Variants in KDM2A observed in about 807,000 individuals in gnomAD.
KDM2A encodes the protein lysine-specific demethylase 2A.
KDM2A carries 3 observed loss-of-function variants against 137.3 expected under a neutral mutation model. The ratio of observed to expected loss-of-function variants is 0.02; its 90% confidence interval spans 0.01 to 0.06. The LOEUF (loss-of-function observed/expected upper bound fraction) is 0.06, where lower values mean the gene tolerates loss of function less well. Among genes scored for constraint, KDM2A ranks in the 10% least tolerant of loss-of-function variants. KDM2A has a pLI of 1.00. For missense variants in KDM2A, 738 were observed against 1,510.6 expected (o/e 0.49, Z 8.48); for synonymous variants, 512 against 541.5 (o/e 0.95, Z 0.76).
At chr11:67,235,327 T>A (rs1165657987) in intron 12 of KDM2A, among the ~76,000 whole-genome samples, 2 of 147,078 alleles carry the variant, frequency 1.4e-5, no homozygotes, top group South Asian at 2.2e-4. Context: ...TTTTTGAGAC[T>A]GAGTTTCACT....
At chr11:67,121,874 G>T (rs568627952) in intron 2 of KDM2A, among the ~76,000 whole-genome samples, 1 of 152,278 alleles carries the variant, frequency 6.6e-6, no homozygotes, top group Admixed American at 6.5e-5. Context: ...AGACAAGTAG[G>T]TAGAATACTG....
At chr11:67,120,912 G>A (rs1366114844) in intron 1 of KDM2A, among the ~76,000 whole-genome samples, 1 of 151,812 alleles carries the variant, frequency 6.6e-6, no homozygotes, top group Non-Finnish European at 1.5e-5. Flanking sequence ...AAAGTCCTGG[G>A]CTTTTTTTTT....
intron 2 of KDM2A, among the ~76,000 whole-genome samples, chr11:67,139,899 C>T (rs749801649): frequency 5.3e-5 from 8 of 151,650 alleles, no homozygotes; most frequent in Non-Finnish European, 7.4e-5. Context: ...TAGTAGAGTC[C>T]GGGTTTCACT....
At chr11:67,198,146 C>G (rs1394987294) in intron 5 of KDM2A, among the ~76,000 whole-genome samples, 1 of 152,022 alleles carries the variant, frequency 6.6e-6, no homozygotes, top group African/African-American at 2.4e-5. Flanking sequence ...GAAGAAAATT[C>G]ATGTATAAGT....
At chr11:67,227,252 A>G (rs1858575635) in intron 10 of KDM2A, among the ~76,000 whole-genome samples, 1 of 152,180 alleles carries the variant, frequency 6.6e-6, no homozygotes, top group African/African-American at 2.4e-5. Context: ...TGGAGAAAAT[A>G]CCCAACCTGG....
At position 67,248,354 on chromosome 11, in the gene KDM2A, G is replaced by T; in HGVS notation, c.2039G>T (p.Ser680Ile). 1 of 1,603,112 alleles carries T rather than the reference G, an allele frequency of 6.2e-7. No homozygotes were observed. The highest frequency in any genetic ancestry group is 8.5e-7 in the Non-Finnish European group (1 of 1,174,598). The change falls in exon 16 of 21, where the codon AGC becomes ATC. Residue 680 changes from serine (S) to isoleucine (I), a missense_variant. By Grantham distance (142) the Ser-to-Ile change is moderately radical. Coordinates refer to ENST00000529006, the MANE Select transcript of KDM2A (RefSeq NM_012308.3). ...WECPKCYQED[S>I]SEKAQKRKME... The stretch of plus-strand genomic sequence containing the variant: ...TGTCCAAAGTGCTACCAGGAGGACA[G>T]CTCGGAGAAAGCCCAGGTAAAGGAA...
intron 1 of KDM2A, 140 bp from the exon 2 acceptor site, chr11:67,121,094 G>A (rs1590695463): frequency 1.8e-6 from 1 of 546,134 alleles, no homozygotes; most frequent in East Asian, 3.0e-5. Context: ...TTGCCCAAGA[G>A]CAGAAAGGTC....
intron 2 of KDM2A, among the ~76,000 whole-genome samples, chr11:67,148,354 G>A (rs2136303578): frequency 6.6e-6 from 1 of 152,202 alleles, no homozygotes; most frequent in Middle Eastern, 3.4e-3. Context: ...CCCGGAGGTT[G>A]AGGCTGCAGT....
rs1034904550 is a variant in KDM2A at position 67,180,227 on chromosome 11, G to A, written c.181+10G>A. On this transcript the variant is annotated intron_variant, in intron 3 of 20. Transcript: ENST00000529006. Reference sequence around the variant, plus strand: ...TTTATGGAAGGAAAAGGTCAGTATTGTTTTGGTTCCAGCTTACAGTCCTTT... The same window carrying A: ...TTTATGGAAGGAAAAGGTCAGTATTATTTTGGTTCCAGCTTACAGTCCTTT... 1 of 1,612,286 alleles carries A rather than the reference G, an allele frequency of 6.2e-7. No individual in the cohort carries two copies. Among genetic ancestry groups the A allele is most frequent in the Admixed American group, 1.7e-5 (1 of 59,716 alleles).
rs183766153 is a variant in KDM2A at position 67,223,597 on chromosome 11, A to G, written c.957+4194A>G. ...TTTTTATTTTTATTTTTTTGTAGAAACGAGGTTTTACTATGCTGCCCAGGC... is the reference window on the plus strand; with the variant it reads ...TTTTTATTTTTATTTTTTTGTAGAAGCGAGGTTTTACTATGCTGCCCAGGC... On this transcript the variant is annotated intron_variant, in intron 10 of 20. Transcript: ENST00000529006. 2.5e-3 allele frequency among the ~76,000 whole-genome samples: 384 copies of G among 151,920 alleles called. 2 individuals carry two copies. The highest frequency in any genetic ancestry group is 8.9e-3 in the African/African-American group (370 of 41,426).
chr11:67,206,311 T>C (rs1196648813), intron 5 of KDM2A, among the ~76,000 whole-genome samples: 1 of 152,166 alleles, frequency 6.6e-6, no homozygotes, highest in Non-Finnish European at 1.5e-5. Flanking sequence ...CACGGCCATA[T>C]TCCCAGCTAC....
At chr11:67,242,762 G>T (rs1859086346) in intron 12 of KDM2A, among the ~76,000 whole-genome samples, 1 of 152,150 alleles carries the variant, frequency 6.6e-6, no homozygotes, top group Non-Finnish European at 1.5e-5. Flanking sequence ...CCTCTCACAG[G>T]CATGAGCCAC....
chr11:67,256,433 C>T lies in KDM2A; in HGVS notation c.*1378C>T, dbSNP rs1468694338. 2 of 152,584 alleles carry T rather than the reference C, an allele frequency of 1.3e-5. No homozygotes were observed. Among genetic ancestry groups the T allele is most frequent in the East Asian group, 3.8e-4 (2 of 5,200 alleles). The allele number at this position is 152,584 out of a possible 1,614,324, so 9.5% of individuals were successfully genotyped here. A position where few individuals can be genotyped will look rare whatever the true frequency, so the allele number is the denominator to read the frequency against. On this transcript the variant is annotated 3_prime_UTR_variant, in exon 21 of 21. Transcript: ENST00000529006. ...TGTGTGAGGAGATGCTCAGTAGCAG[C>T]AGCCTATGGCAAGAGCTTATAAATG...
In KDM2A at chr11:67,163,984, CAGTG is replaced by C. The variant is rs1317588867; in HGVS notation, c.43-16092_43-16089del. ...TATTACTAGTTAAGTAGGTCAGACACAGTGAGAGGCTGAACCAGGATTTGAACTC... is the reference window on the plus strand; with the variant it reads ...TATTACTAGTTAAGTAGGTCAGACACAGAGGCTGAACCAGGATTTGAACTC... On this transcript the variant is annotated intron_variant, in intron 2 of 20. Coordinates refer to ENST00000529006, the MANE Select transcript of KDM2A (RefSeq NM_012308.3). 2.0e-5 allele frequency among the ~76,000 whole-genome samples: 3 copies of C among 152,140 alleles called. No individual in the cohort carries two copies. The East Asian group carries it at 5.8e-4, about 29-fold the overall frequency.
Position 67,223,874 on chromosome 11 carries a change from G to T in KDM2A, c.958-4163G>T, listed in dbSNP as rs568807235. Among the ~76,000 whole-genome samples, 7 of 152,228 alleles carry T rather than the reference G, an allele frequency of 4.6e-5. No homozygotes were observed. In the East Asian group the frequency reaches 1.3e-3, roughly 29 times the overall value. The stretch of plus-strand genomic sequence containing the variant: ...TAGTGTATTATATTTAATTTTGAGG[G>T]ACCAAATACCTATTGGTTGTTGTCT... On this transcript the variant is annotated intron_variant, in intron 10 of 20. Coordinates refer to ENST00000529006, the MANE Select transcript of KDM2A (RefSeq NM_012308.3).
Position 67,246,000 on chromosome 11 carries a change from T to A in KDM2A, c.1849T>A (p.Ser617Thr). ...CCTCTTGTAGCCCAGACTGCCTCAC[T>A]CAGTCACATGTTCCCTCTGTGGAGA... is the stretch of plus-strand genomic sequence containing the variant. ...RQCLAPRLPH[S>T]VTCSLCGEVD... The change falls in exon 15 of 21, where the codon TCA becomes ACA. Residue 617 changes from serine to threonine, a missense_variant. Ser to Thr is a moderately conservative substitution (Grantham distance 58, BLOSUM62 1). Around this residue, in one of 9 missense-constraint regions of KDM2A, gnomAD observed 7 missense variants for 62.4 expected, o/e 0.11. Transcript: ENST00000529006. This position sits in a 1 kb window ranked among gnomAD's most constrained non-coding sequence, Gnocchi z 4.1. The A allele has an allele frequency of 6.2e-7, 1 of 1,613,948 alleles. No individual in the cohort carries two copies. Among genetic ancestry groups the A allele is most frequent in the Non-Finnish European group, 8.5e-7 (1 of 1,179,842 alleles).
intron 8 of KDM2A, among the ~76,000 whole-genome samples, chr11:67,217,259 A>T (rs1365735302): frequency 4.6e-5 from 7 of 151,940 alleles, no homozygotes; most frequent in Admixed American, 4.6e-4. Context: ...AAAAAAAAAA[A>T]AAAAGTCTTA....
In KDM2A at chr11:67,179,473, G is replaced by A. The variant is rs543553079; in HGVS notation, c.43-606G>A. On this transcript the variant is annotated intron_variant, in intron 2 of 20. Coordinates refer to ENST00000529006, the MANE Select transcript of KDM2A (RefSeq NM_012308.3). ...TTTTTAGTAGAGACATGGTTTCTCC[G>A]TGTTGGTCAGGCTGGTCTCTAATCT... is the stretch of plus-strand genomic sequence containing the variant. 5.3e-5 allele frequency among the ~76,000 whole-genome samples: 8 copies of A among 152,194 alleles called. No individual in the cohort carries two copies. In the East Asian group the frequency reaches 7.7e-4, roughly 15 times the overall value.
At chr11:67,147,300 T>C (rs531662835) in intron 2 of KDM2A, among the ~76,000 whole-genome samples, 2 of 151,960 alleles carry the variant, frequency 1.3e-5, no homozygotes, top group African/African-American at 2.4e-5. Flanking sequence ...CCCAGCACTT[T>C]GGGAGGCCGA....
Sources: gnomAD v4.1 joint callset for allele counts (sites outside exome capture counted in the v4.1 genomes callset) on GRCh38, gnomAD v4.1.1 for gene constraint, gnomAD v4.1.1 regional missense constraint, Gnocchi (gnomAD v3.1) non-coding constraint, MANE v1.5 for transcripts, NCBI Gene and HGNC (gene_info 2026-07-23, HGNC 2026-07-21) for gene names.